Variants in LINGO2 observed in about 807,000 individuals in gnomAD.
LINGO2 encodes leucine rich repeat and Ig domain containing 2.
A neutral mutation model predicts 30.6 loss-of-function variants in LINGO2; 14 were observed. That is an observed-to-expected ratio of 0.46 (90% CI 0.30 to 0.72). LINGO2 has a LOEUF of 0.72. Ranked by LOEUF, LINGO2 falls within the 30% of genes least tolerant of loss-of-function variation. The probability of loss-of-function intolerance (pLI) is 0.07; values close to 1 mark genes in which losing one functional copy is unlikely to be tolerated. For synonymous variants in LINGO2, 317 were observed against 288.5 expected (o/e 1.10, Z -1.00); for missense variants, 729 against 751.7 (o/e 0.97, Z 0.35).
At chr9:28,597,949 G>C (rs1825269753) in intron 1 of LINGO2, among the ~76,000 whole-genome samples, 2 of 152,008 alleles carry the variant, frequency 1.3e-5, no homozygotes, top group East Asian at 1.9e-4. Context: ...ATTTTTAGTA[G>C]AGAAGGGGCT....
chr9:29,187,567 T>C, the LINGO2 span, among the ~76,000 whole-genome samples: 3 of 152,198 alleles, frequency 2.0e-5, no homozygotes, highest in African/African-American at 7.2e-5. Flanking sequence ...CTTTAGCCTT[T>C]TCCAACACTA....
intron 4 of LINGO2, among the ~76,000 whole-genome samples, chr9:28,025,538 C>T (rs1052463146): frequency 6.6e-6 from 1 of 152,076 alleles, no homozygotes; most frequent in African/African-American, 2.4e-5. Flanking sequence ...TTTTTTCCTT[C>T]CAAAGCATAA....
At chr9:28,095,048 G>T (rs1826205489) in intron 4 of LINGO2, among the ~76,000 whole-genome samples, 2 of 151,990 alleles carry the variant, frequency 1.3e-5, no homozygotes, top group Admixed American at 1.3e-4. Context: ...ACAATTAAAA[G>T]TTTAATATTT....
chr9:28,237,123 G>GT (rs143958372), intron 4 of LINGO2, among the ~76,000 whole-genome samples: 2,914 of 141,160 alleles, frequency 0.021, 178 homozygotes, highest in African/African-American at 0.073. Context: ...AGTGCGGGGG[G>GT]GGGGTAAAGT....
chr9:28,173,989 A>T (rs1828673549), intron 4 of LINGO2, among the ~76,000 whole-genome samples: 1 of 152,236 alleles, frequency 6.6e-6, no homozygotes, highest in Admixed American at 6.5e-5. Flanking sequence ...AAACTGAAAA[A>T]AATCTATGTT....
chr9:28,949,395 C>A, the LINGO2 span, among the ~76,000 whole-genome samples: 2 of 152,032 alleles, frequency 1.3e-5, no homozygotes, highest in South Asian at 4.2e-4. Context: ...AGAGCAGAAT[C>A]AAATAGACAC....
intron 1 of LINGO2, among the ~76,000 whole-genome samples, chr9:28,600,356 G>A (rs1356709010): frequency 6.6e-6 from 1 of 151,962 alleles, no homozygotes; most frequent in Non-Finnish European, 1.5e-5. Flanking sequence ...TTCATGACAC[G>A]TTATAGTTTG....
intron 2 of LINGO2, among the ~76,000 whole-genome samples, chr9:28,464,314 C>A (rs111476950): frequency 0.014 from 2,201 of 152,194 alleles, 55 homozygotes; most frequent in African/African-American, 0.05. Context: ...AAGGCTTTTC[C>A]ATGTTCAGTT....
At chr9:29,081,782 C>T in the LINGO2 span, among the ~76,000 whole-genome samples, 1 of 151,962 alleles carries the variant, frequency 6.6e-6, no homozygotes, top group Non-Finnish European at 1.5e-5. Context: ...TTCTTATACA[C>T]CAATAACAGA....
At chr9:28,410,071 A>G (rs1822699803) in intron 2 of LINGO2, among the ~76,000 whole-genome samples, 1 of 151,316 alleles carries the variant, frequency 6.6e-6, no homozygotes, top group Non-Finnish European at 1.5e-5. Context: ...GAAGAAAGGA[A>G]GAACAAAAAA....
chr9:28,919,351 G>T, the LINGO2 span, among the ~76,000 whole-genome samples: 1 of 152,114 alleles, frequency 6.6e-6, no homozygotes, highest in Non-Finnish European at 1.5e-5. Flanking sequence ...TGCCTCAGTA[G>T]TTGGCAAACC....
In LINGO2 at chr9:28,630,600, C is replaced by T. The variant is rs147321813; in HGVS notation, c.-365+39600G>A. 1.6e-4 allele frequency among the ~76,000 whole-genome samples: 25 copies of T among 152,192 alleles called. No homozygotes were observed. The Middle Eastern group carries it at 0.014, about 83-fold the overall frequency. ...TATCAGACTAACAACACACATTTGT[C>T]TGGTCTACTTTCATACAGGGAGGCT... On this transcript the variant is annotated intron_variant, in intron 1 of 5. Coordinates refer to ENST00000379992, the Ensembl canonical transcript of LINGO2.
chr9:28,688,792 A>G, the LINGO2 span, among the ~76,000 whole-genome samples: 1 of 152,196 alleles, frequency 6.6e-6, no homozygotes, highest in African/African-American at 2.4e-5. Context: ...GGTACTCACT[A>G]AAGCCATATT....
intron 4 of LINGO2, among the ~76,000 whole-genome samples, chr9:28,087,795 G>A (rs895490271): frequency 3.3e-5 from 5 of 151,944 alleles, no homozygotes; most frequent in Non-Finnish European, 1.5e-5. Flanking sequence ...TTCCAGATTT[G>A]TGTGTTCACA....
the LINGO2 span, among the ~76,000 whole-genome samples, chr9:28,713,546 T>C: frequency 2.6e-5 from 4 of 152,266 alleles, no homozygotes; most frequent in African/African-American, 7.2e-5. Context: ...GGTTGTCCAA[T>C]TGGTATTTCT....
chr9:28,743,335 G>A, the LINGO2 span, among the ~76,000 whole-genome samples: 6 of 151,458 alleles, frequency 4.0e-5, no homozygotes, highest in African/African-American at 1.5e-4. Context: ...CCCTCCCCTA[G>A]GCCCCCATCC....
the LINGO2 span, among the ~76,000 whole-genome samples, chr9:28,838,318 G>A: frequency 6.6e-6 from 1 of 152,142 alleles, no homozygotes; most frequent in Non-Finnish European, 1.5e-5. Flanking sequence ...TCTGGCTTTA[G>A]AAAGTAAATA....
intron 1 of LINGO2, among the ~76,000 whole-genome samples, chr9:28,621,755 C>T (rs142726120): frequency 1.3e-5 from 2 of 151,998 alleles, no homozygotes; most frequent in Non-Finnish European, 2.9e-5. Flanking sequence ...AATAAAGTAA[C>T]AGGAATTTTT....
At chr9:28,779,750 A>T in the LINGO2 span, among the ~76,000 whole-genome samples, 1 of 152,110 alleles carries the variant, frequency 6.6e-6, no homozygotes, top group South Asian at 2.1e-4. Context: ...TCTAATGTAC[A>T]TGTTATTTTC....
Sources: allele counts gnomAD v4.1 joint callset (sites outside exome capture counted in the v4.1 genomes callset), GRCh38; gene constraint gnomAD v4.1.1; transcripts MANE v1.5; gene names NCBI Gene and HGNC (gene_info 2026-07-23, HGNC 2026-07-21).